The following FRMPD1 variants were observed in gnomAD, a reference collection of about 807,000 sequenced individuals.
The protein encoded by FRMPD1 is FERM and PDZ domain containing 1.
Under a neutral mutation model 117.8 loss-of-function variants are expected in FRMPD1, and 76 were observed. That is an observed-to-expected ratio of 0.65 (90% CI 0.54 to 0.78). The LOEUF (loss-of-function observed/expected upper bound fraction) is 0.78. Ranked by LOEUF, FRMPD1 falls within the 30% of genes least tolerant of loss-of-function variation. FRMPD1 has a pLI of 0.00. For missense variants in FRMPD1, 1,786 were observed against 1,964.5 expected (o/e 0.91, Z 1.72); for synonymous variants, 783 against 770.4 (o/e 1.02, Z -0.27).
chr9:37,627,316 C>T, the FRMPD1 span, among the ~76,000 whole-genome samples: 2 of 152,136 alleles, frequency 1.3e-5, no homozygotes, highest in African/African-American at 4.8e-5. Flanking sequence ...AATCCTCTAC[C>T]TTCTTCAATT....
At chr9:37,627,555 C>T in the FRMPD1 span, among the ~76,000 whole-genome samples, 90,375 of 152,130 alleles carry the variant, frequency 0.59, 27,909 homozygotes, top group Non-Finnish European at 0.68. Flanking sequence ...TCACTGTAAC[C>T]TCCAACTACT....
At chr9:37,717,339 A>ATGTGTGTGTGTGTGTGTG (rs1202375364) in intron 5 of FRMPD1, among the ~76,000 whole-genome samples, 9 of 84,422 alleles carry the variant, frequency 1.1e-4, no homozygotes, top group African/African-American at 2.7e-4. Flanking sequence ...GTATGTGTAT[A>ATGTGTGTGTGTGTGTGTG]TATGTGTGTG....
At chr9:37,732,487 C>A in intron 10 of FRMPD1, 47 bp downstream of exon 10, 1 of 1,551,612 alleles carries the variant, frequency 6.4e-7, no homozygotes, top group Non-Finnish European at 8.7e-7. Flanking sequence ...AACTTGCTGG[C>A]CCCTGGCCAG....
chr9:37,657,083 C>T (rs1442268361), intron 1 of FRMPD1, among the ~76,000 whole-genome samples: 1 of 152,234 alleles, frequency 6.6e-6, no homozygotes, highest in African/African-American at 2.4e-5. Flanking sequence ...ATGGAAAGAG[C>T]TTCAGAGGAA....
chr9:37,701,026 C>G (rs534893636), intron 2 of FRMPD1, among the ~76,000 whole-genome samples: 1 of 152,144 alleles, frequency 6.6e-6, no homozygotes, highest in South Asian at 2.1e-4. Flanking sequence ...TTAGGTTAAT[C>G]CCTTTCCAAA....
At chr9:37,744,361 A>G in intron 15 of FRMPD1, 28 bp from the exon 16 acceptor site, 1 of 1,496,892 alleles carries the variant, frequency 6.7e-7, no homozygotes, top group South Asian at 1.3e-5. Context: ...TGTGCTTTTT[A>G]ATGTATTTTT....
At chr9:37,743,542 TTTTTTTTTTTTTTTTTTA>T in intron 15 of FRMPD1, among the ~76,000 whole-genome samples, 1 of 124,266 alleles carries the variant, frequency 8.0e-6, no homozygotes, top group African/African-American at 3.7e-5. Context: ...TTTTTTTTTT[TTTTTTTTTTTTTTTTTTA>T]ATGTCTTTGG....
rs1467160191 is a variant in FRMPD1 at position 37,675,422 on chromosome 9, A to G, written c.-4-17216A>G. On this transcript the variant is annotated intron_variant, in intron 1 of 15. Coordinates refer to ENST00000377765, the MANE Select transcript of FRMPD1 (RefSeq NM_014907.3). ...GGTGACAGAGTGAGACTGTCTAAAAAAAAAAAAAAAAATACAAATCATGGT... is the reference window on the plus strand; with the variant it reads ...GGTGACAGAGTGAGACTGTCTAAAAGAAAAAAAAAAAATACAAATCATGGT... 3.9e-5 allele frequency among the ~76,000 whole-genome samples: 6 copies of G among 151,960 alleles called. No homozygotes were observed. In the East Asian group the frequency reaches 1.2e-3, roughly 29 times the overall value.
chr9:37,719,866 T>C (rs1469334441), intron 6 of FRMPD1, among the ~76,000 whole-genome samples: 1 of 152,256 alleles, frequency 6.6e-6, no homozygotes, highest in African/African-American at 2.4e-5. Context: ...AGTTTGATTT[T>C]AATGTGGAGT....
rs990539346 is a variant in FRMPD1 at position 37,746,138 on chromosome 9, C to T, written c.4106C>T (p.Pro1369Leu). 7.4e-6 allele frequency: 12 copies of T among 1,614,034 alleles called. No homozygotes were observed. Among genetic ancestry groups the T allele is most frequent in the Middle Eastern group, 3.3e-4 (2 of 6,062 alleles). ...CACCCCATGGCCCCCCTCACCTCAC[C>T]GCCCTCTGCGGGAAGCCCGGTGGTT... Reference protein sequence around the residue: ...EAHPMAPLTSPPSAGSPVVLP... With the variant: ...EAHPMAPLTSLPSAGSPVVLP... The change falls in exon 16 of 16, where the codon CCG (proline) becomes CTG (leucine). Residue 1369 changes from proline to leucine, a missense_variant. Physicochemically the swap from Pro to Leu is moderately conservative, Grantham distance 98. Transcript: ENST00000377765.
In FRMPD1 at chr9:37,737,172, T is replaced by C; in HGVS notation, c.1478T>C (p.Val493Ala). The C allele has an allele frequency of 1.2e-6, 2 of 1,613,960 alleles. No homozygotes were observed. Among genetic ancestry groups the C allele is most frequent in the Non-Finnish European group, 1.7e-6 (2 of 1,179,814 alleles). ...ATTGCTGGGTACTACAGGCTGTTGGTTGACCCAGTTACCTCCATTTTCCTC... is the reference window on the plus strand; with the variant it reads ...ATTGCTGGGTACTACAGGCTGTTGGCTGACCCAGTTACCTCCATTTTCCTC... ...CLIAGYYRLL[V>A]DPVTSIFLWP... The change falls in exon 14 of 16, where the codon GTT becomes GCT. Residue 493 changes from valine to alanine, a missense_variant. Transcript: ENST00000377765.
intron 9 of FRMPD1, 72 bp from the exon 10 acceptor site, chr9:37,732,232 T>G (rs1823916350): frequency 1.3e-6 from 2 of 1,535,318 alleles, no homozygotes; most frequent in Non-Finnish European, 1.8e-6. Context: ...CCTGCTGCCT[T>G]TCACCCGAGA....
At chr9:37,637,284 C>T in the FRMPD1 span, 6 of 1,555,342 alleles carry the variant, frequency 3.9e-6, no homozygotes, top group Admixed American at 8.3e-5. Flanking sequence ...CAGTCATATC[C>T]GGGGTTCATG....
intron 1 of FRMPD1, among the ~76,000 whole-genome samples, chr9:37,685,545 G>A (rs886532342): frequency 1.1e-4 from 16 of 151,998 alleles, no homozygotes; most frequent in Admixed American, 3.3e-4. Flanking sequence ...CCAGCTACTC[G>A]GGAGGCTGAG....
chr9:37,622,569 G>A, the FRMPD1 span, among the ~76,000 whole-genome samples: 3 of 152,178 alleles, frequency 2.0e-5, no homozygotes. Flanking sequence ...GATCCTATCA[G>A]TCCCACCTTG....
At chr9:37,717,863 G>A (rs1823220316) in intron 5 of FRMPD1, among the ~76,000 whole-genome samples, 1 of 152,108 alleles carries the variant, frequency 6.6e-6, no homozygotes, top group Non-Finnish European at 1.5e-5. Flanking sequence ...GATTCAAGAG[G>A]TATGGGAGTC....
chr9:37,720,784 G>A (rs1823365019), intron 6 of FRMPD1, among the ~76,000 whole-genome samples: 1 of 152,256 alleles, frequency 6.6e-6, no homozygotes, highest in Non-Finnish European at 1.5e-5. Context: ...CTACTTGGGA[G>A]GCTGAGGCAG....
intron 9 of FRMPD1, among the ~76,000 whole-genome samples, chr9:37,731,511 G>A (rs184346160): frequency 1.3e-5 from 2 of 152,246 alleles, no homozygotes; most frequent in Admixed American, 6.5e-5. Flanking sequence ...TTGATCCGTG[G>A]CCTGGTGCTC....
At chr9:37,631,640 G>T in the FRMPD1 span, among the ~76,000 whole-genome samples, 1 of 152,068 alleles carries the variant, frequency 6.6e-6, no homozygotes, top group African/African-American at 2.4e-5. Context: ...GCCTTGCTCT[G>T]TCACCCAGAC....
Sources: allele counts gnomAD v4.1 joint callset (sites outside exome capture counted in the v4.1 genomes callset), GRCh38; gene constraint gnomAD v4.1.1; transcripts MANE v1.5; gene names NCBI Gene and HGNC (gene_info 2026-07-23, HGNC 2026-07-21).